MYO3B: variants seen among roughly 807,000 people sequenced by gnomAD.
The protein encoded by MYO3B is myosin-IIIb.
In MYO3B, 156 loss-of-function variants were observed where a neutral mutation model predicts 174.6. The ratio of observed to expected loss-of-function variants is 0.89; its 90% confidence interval spans 0.78 to 1.02. The LOEUF (loss-of-function observed/expected upper bound fraction) is 1.02, where lower values mean the gene tolerates loss of function less well. Among genes scored for constraint, MYO3B ranks in the 50% least tolerant of loss-of-function variants. The pLI, the probability that MYO3B is intolerant of heterozygous loss-of-function variation, is 0.00. For missense variants in MYO3B, 1,632 were observed against 1,639.4 expected (o/e 1.00, Z 0.08); for synonymous variants, 563 against 569.1 (o/e 0.99, Z 0.15).
At chr2:170,407,296 C>G (rs1443050804) in intron 21 of MYO3B, among the ~76,000 whole-genome samples, 1 of 151,684 alleles carries the variant, frequency 6.6e-6, no homozygotes, top group Non-Finnish European at 1.5e-5. Context: ...CCCATCTCTG[C>G]TAAAAATACA....
chr2:170,187,129 G>C (rs1372958763), intron 1 of MYO3B, among the ~76,000 whole-genome samples: 1 of 151,494 alleles, frequency 6.6e-6, no homozygotes, highest in Non-Finnish European at 1.5e-5. Context: ...TGACTTTGGT[G>C]TTGTTTTCTT....
chr2:170,608,898 C>T (rs937891053), intron 32 of MYO3B, among the ~76,000 whole-genome samples: 3 of 152,150 alleles, frequency 2.0e-5, no homozygotes, highest in African/African-American at 4.8e-5. Context: ...TTAGCTATGT[C>T]GTACATAGGC....
intron 7 of MYO3B, among the ~76,000 whole-genome samples, chr2:170,302,011 G>T (rs1002826630): frequency 1.3e-5 from 2 of 150,296 alleles, no homozygotes; most frequent in East Asian, 4.0e-4. Context: ...TGTGGGTTTT[G>T]GATATTTCTC....
At chr2:170,557,715 G>A (rs544617662) in intron 32 of MYO3B, among the ~76,000 whole-genome samples, 1 of 152,112 alleles carries the variant, frequency 6.6e-6, no homozygotes. Context: ...TTTGACTAGG[G>A]TGTTGATAGG....
At chr2:170,648,933 G>T (rs1399496006) in intron 32 of MYO3B, among the ~76,000 whole-genome samples, 2 of 52,330 alleles carry the variant, frequency 3.8e-5, no homozygotes, top group African/African-American at 6.8e-5. Context: ...TATAAAATAT[G>T]ATATATAATA....
intron 32 of MYO3B, among the ~76,000 whole-genome samples, chr2:170,569,985 A>C (rs1692332818): frequency 6.6e-6 from 1 of 152,156 alleles, no homozygotes; most frequent in Non-Finnish European, 1.5e-5. Flanking sequence ...CTCTTTTAAA[A>C]AGCTCCTCAA....
chr2:170,327,400 G>A (rs1203849978), intron 7 of MYO3B, among the ~76,000 whole-genome samples: 2 of 137,512 alleles, frequency 1.5e-5, no homozygotes, highest in East Asian at 2.4e-4. Context: ...CAACAAAGAA[G>A]AATCAACAAG....
At chr2:170,193,798 TTATTAA>T (rs2092568578) in intron 1 of MYO3B, among the ~76,000 whole-genome samples, 2 of 152,310 alleles carry the variant, frequency 1.3e-5, no homozygotes, top group African/African-American at 2.4e-5. Flanking sequence ...TATTTTCTCC[TTATTAA>T]TATTGTCTTT....
Position 170,400,235 on chromosome 2 carries a change from G to T in MYO3B, c.1839G>T (p.Gly613=). The change falls in exon 17 of 35, where the codon GGG becomes GGT. Residue 613 remains glycine, a synonymous_variant. Transcript: ENST00000408978. ...TTTTGGCTGGGATTTTGAATATTGG[G>T]AACATTGAGTTCGCAGCTATTTCCT... is the stretch of plus-strand genomic sequence containing the variant. ...YRILAGILNI[G]NIEFAAISSQ... The T allele has an allele frequency of 6.2e-7, 1 of 1,613,858 alleles. No homozygotes were observed. Among genetic ancestry groups the T allele is most frequent in the African/African-American group, 1.3e-5 (1 of 74,964 alleles).
At chr2:170,225,984 T>A (rs750859746) in intron 6 of MYO3B, among the ~76,000 whole-genome samples, 1 of 152,194 alleles carries the variant, frequency 6.6e-6, no homozygotes, top group African/African-American at 2.4e-5. Flanking sequence ...CCTTTTAAGG[T>A]CCTGTCTATT....
At chr2:170,508,656 C>A (rs1430582177) in intron 28 of MYO3B, among the ~76,000 whole-genome samples, 1 of 152,180 alleles carries the variant, frequency 6.6e-6, no homozygotes. Context: ...GTAGACCATG[C>A]CCTGCCATTG....
chr2:170,193,237 G>A (rs1400730546), intron 1 of MYO3B, among the ~76,000 whole-genome samples: 1 of 151,968 alleles, frequency 6.6e-6, no homozygotes, highest in Non-Finnish European at 1.5e-5. Context: ...CATTCTAACA[G>A]TATATAGAAT....
At chr2:170,610,676 A>G (rs991455704) in intron 32 of MYO3B, among the ~76,000 whole-genome samples, 1 of 152,334 alleles carries the variant, frequency 6.6e-6, no homozygotes, top group Admixed American at 6.5e-5. Flanking sequence ...ATTACTTACT[A>G]TTACTAAAGC....
intron 7 of MYO3B, among the ~76,000 whole-genome samples, chr2:170,251,917 G>T (rs1170037210): frequency 6.6e-6 from 1 of 152,158 alleles, no homozygotes; most frequent in Non-Finnish European, 1.5e-5. Flanking sequence ...AGGTGATATG[G>T]CTAGTTAGAG....
At chr2:170,323,780 A>C (rs2093845879) in intron 7 of MYO3B, among the ~76,000 whole-genome samples, 1 of 141,002 alleles carries the variant, frequency 7.1e-6, no homozygotes, top group Non-Finnish European at 1.7e-5. Context: ...CTAATAACTT[A>C]TTATTGTTAG....
chr2:170,412,631 A>C (rs1282231523), intron 22 of MYO3B, among the ~76,000 whole-genome samples: 5 of 152,192 alleles, frequency 3.3e-5, no homozygotes, highest in Non-Finnish European at 7.3e-5. Flanking sequence ...AAATCCTTGC[A>C]GTCAGTTTTC....
intron 22 of MYO3B, among the ~76,000 whole-genome samples, chr2:170,441,735 T>C (rs1241656277): frequency 1.3e-5 from 2 of 152,192 alleles, no homozygotes; most frequent in Non-Finnish European, 2.9e-5. Flanking sequence ...GTCATGGAGA[T>C]GGTGGGAGTG....
chr2:170,376,923 G>A (rs968440131), intron 9 of MYO3B, among the ~76,000 whole-genome samples: 20 of 152,206 alleles, frequency 1.3e-4, no homozygotes, highest in African/African-American at 4.3e-4. Context: ...TTATGATTTA[G>A]AGCACCTTTT....
At chr2:170,299,522 G>A (rs1215021150) in intron 7 of MYO3B, among the ~76,000 whole-genome samples, 1 of 152,122 alleles carries the variant, frequency 6.6e-6, no homozygotes, top group African/African-American at 2.4e-5. Context: ...TATAAGCCAG[G>A]CACTGGCCTG....
Sources: gnomAD v4.1 joint callset for allele counts (sites outside exome capture counted in the v4.1 genomes callset) on GRCh38, gnomAD v4.1.1 for gene constraint, MANE v1.5 for transcripts, NCBI Gene and HGNC (gene_info 2026-07-23, HGNC 2026-07-21) for gene names.